The following MEGF6 variants were observed in gnomAD, a reference collection of about 807,000 sequenced individuals.
The protein encoded by MEGF6 is multiple epidermal growth factor-like domains protein 6.
MEGF6 carries 184 observed loss-of-function variants against 207.1 expected under a neutral mutation model. The ratio of observed to expected loss-of-function variants is 0.89; its 90% CI spans 0.79 to 1.00. The LOEUF (loss-of-function observed/expected upper bound fraction) is 1.00. Among genes scored for constraint, MEGF6 ranks in the 50% least tolerant of loss-of-function variants. The pLI is 0.00. For missense variants in MEGF6, 2,282 were observed against 2,202.9 expected, an observed-to-expected ratio of 1.04 and a Z score of -0.72; for synonymous variants, 1,038 against 910.0, an observed-to-expected ratio of 1.14 and a Z score of -2.53.
intron 21 of MEGF6, 27 bp downstream of exon 21, chr1:3,500,606 G>A: frequency 1.9e-6 from 3 of 1,538,666 alleles, no homozygotes; most frequent in South Asian, 1.2e-5. Context: ...CAGGAGGGTG[G>A]CAGCCAAAGG....
In MEGF6 at chr1:3,586,673, C is replaced by T. The variant is rs139464386; in HGVS notation, c.377-6744G>A. Among the ~76,000 whole-genome samples, 331 of 152,248 alleles carry T rather than the reference C, an allele frequency of 2.2e-3. 8 individuals are homozygous for T. The highest frequency in any genetic ancestry group is 0.018 in the Admixed American group (282 of 15,306). On this transcript the variant is annotated intron_variant, in intron 3 of 36. Transcript: ENST00000356575. ...TGGGACTCGGGGCTGGCATGCGGCC[C>T]GAACGGAAAAGGAAAAGCAAATGGC...
chr1:3,590,007 A>G (rs759702562), intron 3 of MEGF6, among the ~76,000 whole-genome samples: 3 of 152,212 alleles, frequency 2.0e-5, no homozygotes, highest in Non-Finnish European at 4.4e-5. Context: ...TGCCCATCAC[A>G]GCCCATGGAG....
chr1:3,498,857 T>C, intron 24 of MEGF6, 31 bp from the exon 25 acceptor site: 2 of 1,543,400 alleles, frequency 1.3e-6, no homozygotes, highest in Non-Finnish European at 1.8e-6. Context: ...GCAACCTGCA[T>C]CCCCCAGCCA....
intron 1 of MEGF6, among the ~76,000 whole-genome samples, chr1:3,605,633 C>T (rs1453038116): frequency 6.6e-6 from 1 of 152,012 alleles, no homozygotes; most frequent in Non-Finnish European, 1.5e-5. Context: ...TGCACACGCA[C>T]ACTTCTGTAC....
chr1:3,515,370 C>A (rs1456527517), intron 6 of MEGF6, 32 bp downstream of exon 6: 16 of 1,593,660 alleles, frequency 1.0e-5, no homozygotes, highest in Non-Finnish European at 1.3e-5. Context: ...CCTCCACCCC[C>A]AGGTCCTCCC....
chr1:3,575,621 G>C (rs556782159), intron 4 of MEGF6, among the ~76,000 whole-genome samples: 4 of 91,994 alleles, frequency 4.3e-5, no homozygotes, highest in Admixed American at 1.2e-4. Flanking sequence ...AGGCAAGGAG[G>C]AGCAAGTCAC....
chr1:3,597,664 G>A (rs1644090504), intron 2 of MEGF6, among the ~76,000 whole-genome samples: 1 of 152,338 alleles, frequency 6.6e-6, no homozygotes, highest in South Asian at 2.1e-4. Flanking sequence ...AGGCAGAGAC[G>A]GAAGTGGCGG....
chr1:3,603,374 C>T (rs1644192360), intron 1 of MEGF6, among the ~76,000 whole-genome samples: 1 of 152,124 alleles, frequency 6.6e-6, no homozygotes, highest in East Asian at 1.9e-4. Flanking sequence ...AGCAGGGGCT[C>T]GCCCCTGGCC....
intron 4 of MEGF6, among the ~76,000 whole-genome samples, chr1:3,568,785 G>A (rs1356982498): frequency 6.6e-6 from 1 of 152,128 alleles, no homozygotes; most frequent in African/African-American, 2.4e-5. Context: ...GCACCTTACA[G>A]AAGCCCTGTG....
intron 2 of MEGF6, among the ~76,000 whole-genome samples, chr1:3,600,470 G>A (rs764588638): frequency 1.3e-5 from 2 of 152,232 alleles, no homozygotes; most frequent in Non-Finnish European, 2.9e-5. Flanking sequence ...CAGAGGAGGA[G>A]AAGCAATGCT....
chr1:3,541,508 C>T (rs747309286), intron 4 of MEGF6, among the ~76,000 whole-genome samples: 4 of 152,206 alleles, frequency 2.6e-5, no homozygotes, highest in South Asian at 2.1e-4. Flanking sequence ...GGCGGACATG[C>T]GGGCACCTGG....
chr1:3,579,169 G>C (rs1266794710), intron 4 of MEGF6, among the ~76,000 whole-genome samples: 1 of 152,230 alleles, frequency 6.6e-6, no homozygotes, highest in East Asian at 1.9e-4. Context: ...AGAGCAGGAA[G>C]CCACAGAGGA....
intron 17 of MEGF6, among the ~76,000 whole-genome samples, chr1:3,503,554 G>A (rs1640987624): frequency 6.6e-6 from 1 of 152,050 alleles, no homozygotes; most frequent in South Asian, 2.1e-4. Flanking sequence ...GTGCTTCTCT[G>A]GCGAGGCCTG....
intron 3 of MEGF6, among the ~76,000 whole-genome samples, chr1:3,589,370 C>T (rs1486330725): frequency 6.6e-6 from 1 of 152,102 alleles, no homozygotes; most frequent in Non-Finnish European, 1.5e-5. Context: ...TACCTGCGCC[C>T]CCCACCCCAC....
intron 17 of MEGF6, among the ~76,000 whole-genome samples, chr1:3,503,496 G>A (rs900611207): frequency 6.6e-6 from 1 of 152,020 alleles, no homozygotes; most frequent in Non-Finnish European, 1.5e-5. Flanking sequence ...AGGGGCAGGG[G>A]AGGAGCCTTC....
chr1:3,593,370 C>T (rs907431855), intron 3 of MEGF6, among the ~76,000 whole-genome samples: 5 of 152,134 alleles, frequency 3.3e-5, no homozygotes, highest in East Asian at 1.9e-4. Context: ...GGGACGGCAT[C>T]GGGGGAACGC....
rs778323387 is a variant in MEGF6, at chr1:3,501,196, G to A, written c.2427C>T (p.Val809=). 42 of 1,612,302 alleles carry A rather than the reference G, an allele frequency of 2.6e-5. No homozygotes were observed. The highest frequency in any genetic ancestry group is 3.3e-4 in the Middle Eastern group (2 of 6,034). The change falls in exon 19 of 37, where the codon GTC becomes GTT. Residue 809 remains valine, a synonymous_variant. Coordinates refer to ENST00000356575, the MANE Select transcript of MEGF6 (RefSeq NM_001409.4). ...TGACLCLPGF[V]GSRCQDVCPA... is the part of the protein sequence containing the mutation. ...ACTCACCGTCCTGGCAGCGGCTGCC[G>A]ACGAAGCCAGGGAGGCACAGGCAGG...
chr1:3,547,941 G>GCA (rs1438624457), intron 4 of MEGF6, among the ~76,000 whole-genome samples: 52 of 152,260 alleles, frequency 3.4e-4, no homozygotes, highest in African/African-American at 1.2e-3. Context: ...GAGAAGGTGT[G>GCA]GGACCCAACT....
intron 7 of MEGF6, 69 bp from the exon 8 acceptor site, chr1:3,512,197 G>A (rs1288729099): frequency 3.9e-6 from 6 of 1,528,894 alleles, no homozygotes; most frequent in African/African-American, 1.4e-5. Flanking sequence ...ACCAGTGGAA[G>A]ACAGTGCACG....
Sources: gnomAD v4.1 joint callset for allele counts (sites outside exome capture counted in the v4.1 genomes callset) on GRCh38, gnomAD v4.1.1 for gene constraint, MANE v1.5 for transcripts, NCBI Gene and HGNC (gene_info 2026-07-23, HGNC 2026-07-21) for gene names.